CLSTN2: variants seen among roughly 807,000 people sequenced by gnomAD.
CLSTN2 encodes calsyntenin 2, also known as calsyntenin-2.
In CLSTN2, 48 loss-of-function variants were observed where a neutral mutation model predicts 101.2. The observed-to-expected ratio is 0.47, with a 90% CI of 0.38 to 0.60. The LOEUF is 0.60. Ranked by LOEUF, CLSTN2 falls within the 20% of genes least tolerant of loss-of-function variation. CLSTN2 has a pLI of 0.00. For missense variants in CLSTN2, 1,160 were observed against 1,238.2 expected (o/e 0.94, Z 0.95); for synonymous variants, 481 against 463.6 (o/e 1.04, Z -0.48).
intron 2 of CLSTN2, among the ~76,000 whole-genome samples, chr3:140,200,301 G>A (rs998613998): frequency 6.6e-5 from 10 of 152,076 alleles, no homozygotes; most frequent in East Asian, 1.9e-4. Context: ...ACTTAGTGCC[G>A]TAAAAAATTC....
chr3:140,541,455 G>A (rs1004315607), intron 9 of CLSTN2, among the ~76,000 whole-genome samples: 2 of 152,142 alleles, frequency 1.3e-5, no homozygotes, highest in African/African-American at 2.4e-5. Flanking sequence ...AGTTTTCAGC[G>A]GAGCCTCCAG....
chr3:140,399,075 C>T (rs2088213963), intron 2 of CLSTN2, among the ~76,000 whole-genome samples: 1 of 152,232 alleles, frequency 6.6e-6, no homozygotes. Context: ...CTGCTGGCCT[C>T]CTTTTCCACG....
At chr3:140,210,696 A>T (rs1447732437) in intron 2 of CLSTN2, among the ~76,000 whole-genome samples, 1 of 152,122 alleles carries the variant, frequency 6.6e-6, no homozygotes, top group East Asian at 1.9e-4. Flanking sequence ...TCCCTGAGAG[A>T]GAATGCTACT....
chr3:139,981,310 T>A (rs1408397943), intron 1 of CLSTN2, among the ~76,000 whole-genome samples: 1 of 152,222 alleles, frequency 6.6e-6, no homozygotes, highest in Non-Finnish European at 1.5e-5. Flanking sequence ...AGCTCTGTTC[T>A]AGGCAGTAGG....
In CLSTN2 at chr3:140,467,144, T is replaced by C. The variant is rs187539811; in HGVS notation, c.1344+413T>C. ...TGACACAAGGTTGAGGACAGGGACTTGAGGGCTTTGAAGTAAGCAGTGACA... is the reference window on the plus strand; with the variant it reads ...TGACACAAGGTTGAGGACAGGGACTCGAGGGCTTTGAAGTAAGCAGTGACA... On this transcript the variant is annotated intron_variant, in intron 8 of 16. Coordinates refer to ENST00000458420, the MANE Select transcript of CLSTN2 (RefSeq NM_022131.3). Among the ~76,000 whole-genome samples the C allele has an allele frequency of 3.5e-3, 528 of 152,324 alleles. 1 individual carries two copies. Among genetic ancestry groups the C allele is most frequent in the African/African-American group, 0.012 (514 of 41,574 alleles).
intron 2 of CLSTN2, among the ~76,000 whole-genome samples, chr3:140,213,317 G>A (rs1412475815): frequency 6.6e-6 from 1 of 152,132 alleles, no homozygotes; most frequent in Non-Finnish European, 1.5e-5. Context: ...AAGAAAATAT[G>A]TGATATGATA....
At chr3:140,239,864 T>C (rs1018003151) in intron 2 of CLSTN2, among the ~76,000 whole-genome samples, 1 of 151,778 alleles carries the variant, frequency 6.6e-6, no homozygotes. Flanking sequence ...TATGTATGTA[T>C]ATATATCTGT....
At chr3:139,942,640 C>T (rs73867226) in intron 1 of CLSTN2, among the ~76,000 whole-genome samples, 4,950 of 152,192 alleles carry the variant, frequency 0.033, 289 homozygotes, top group African/African-American at 0.11. Flanking sequence ...TCCACTCTCA[C>T]GGCAGGATTT....
intron 2 of CLSTN2, among the ~76,000 whole-genome samples, chr3:140,347,095 T>C (rs1277554016): frequency 6.6e-6 from 1 of 152,256 alleles, no homozygotes; most frequent in Non-Finnish European, 1.5e-5. Context: ...GCCCAGGTTC[T>C]GTTTTCTCCT....
At chr3:140,102,471 G>A (rs542232643) in intron 1 of CLSTN2, among the ~76,000 whole-genome samples, 4 of 152,028 alleles carry the variant, frequency 2.6e-5, no homozygotes, top group African/African-American at 4.8e-5. Context: ...AGGGCAGGGC[G>A]GTAGATCATG....
At chr3:140,417,033 T>C (rs992228762) in intron 4 of CLSTN2, among the ~76,000 whole-genome samples, 1 of 152,240 alleles carries the variant, frequency 6.6e-6, no homozygotes, top group Admixed American at 6.5e-5. Context: ...CAGAGAAGTA[T>C]GAAGTCACCC....
chr3:140,335,315 A>C (rs936191790), intron 2 of CLSTN2, among the ~76,000 whole-genome samples: 7 of 152,216 alleles, frequency 4.6e-5, no homozygotes, highest in Admixed American at 3.9e-4. Context: ...ATCGTGTACT[A>C]TATGGTGGTA....
At chr3:140,087,165 C>A (rs755526427) in intron 1 of CLSTN2, among the ~76,000 whole-genome samples, 1 of 152,098 alleles carries the variant, frequency 6.6e-6, no homozygotes, top group South Asian at 2.1e-4. Flanking sequence ...GCTCAGAAAC[C>A]GGTGTCTTGA....
At chr3:140,027,084 T>C (rs995675500) in intron 1 of CLSTN2, among the ~76,000 whole-genome samples, 27 of 152,232 alleles carry the variant, frequency 1.8e-4, no homozygotes, top group African/African-American at 5.5e-4. Context: ...CCTTTGATCA[T>C]ATCAGCCCTT....
At chr3:140,327,252 C>T (rs1324462240) in intron 2 of CLSTN2, among the ~76,000 whole-genome samples, 3 of 152,194 alleles carry the variant, frequency 2.0e-5, no homozygotes, top group African/African-American at 7.2e-5. Context: ...ATCTGATGCT[C>T]AACTGTGCAC....
chr3:140,101,668 T>C (rs1369896933), intron 1 of CLSTN2, among the ~76,000 whole-genome samples: 1 of 152,222 alleles, frequency 6.6e-6, no homozygotes, highest in Non-Finnish European at 1.5e-5. Context: ...TTATTTGTCA[T>C]TCTTGCAAAG....
intron 9 of CLSTN2, 61 bp downstream of exon 9, chr3:140,532,547 G>A: frequency 2.1e-6 from 3 of 1,427,302 alleles, no homozygotes; most frequent in East Asian, 2.4e-5. Flanking sequence ...GAAGATACTT[G>A]TAGAGAAAAA....
At chr3:140,055,981 G>T (rs1425017716) in intron 1 of CLSTN2, among the ~76,000 whole-genome samples, 1 of 152,176 alleles carries the variant, frequency 6.6e-6, no homozygotes, top group African/African-American at 2.4e-5. Context: ...TAAAGAGAAG[G>T]TCTTTGAGGA....
intron 1 of CLSTN2, among the ~76,000 whole-genome samples, chr3:140,159,619 A>C (rs570875888): frequency 2.0e-5 from 3 of 152,190 alleles, no homozygotes; most frequent in Admixed American, 2.0e-4. Flanking sequence ...TTTCTCAAAG[A>C]ATTTAAAACA....
Sources: gnomAD v4.1 joint callset for allele counts (sites outside exome capture counted in the v4.1 genomes callset) on GRCh38, gnomAD v4.1.1 for gene constraint, MANE v1.5 for transcripts, NCBI Gene and HGNC (gene_info 2026-07-23, HGNC 2026-07-21) for gene names.